BCL7B: variants seen among roughly 807,000 people sequenced by gnomAD.
The protein encoded by BCL7B is B-cell CLL/lymphoma 7 protein family member B.
A neutral mutation model predicts 26.5 loss-of-function variants in BCL7B; 11 were observed. The observed-to-expected ratio is 0.42, with a 90% CI of 0.26 to 0.69. The LOEUF (loss-of-function observed/expected upper bound fraction) is 0.69. Among genes scored for constraint, BCL7B ranks in the 30% least tolerant of loss-of-function variants. BCL7B has a pLI of 0.28. For synonymous variants in BCL7B, 111 were observed against 107.9 expected, an observed-to-expected ratio of 1.03 and a Z score of -0.18; for missense variants, 215 against 264.4, an observed-to-expected ratio of 0.81 and a Z score of 1.30.
At chr7:73,537,795 G>A (rs759518643) in intron 5 of BCL7B, 139 bp downstream of exon 5, 13 of 578,700 alleles carry the variant, frequency 2.2e-5, no homozygotes, top group Non-Finnish European at 3.6e-5. Context: ...GGCTGAAACA[G>A]GAGAATTGCT....
intron 2 of BCL7B, among the ~76,000 whole-genome samples, chr7:73,547,637 C>G (rs1247582317): frequency 6.6e-6 from 1 of 152,184 alleles, no homozygotes; most frequent in Admixed American, 6.5e-5. Flanking sequence ...GTAATAGCTT[C>G]AAAGTGCTGA....
At chr7:73,539,406 C>T (rs781915986) in intron 4 of BCL7B, among the ~76,000 whole-genome samples, 2 of 152,052 alleles carry the variant, frequency 1.3e-5, no homozygotes, top group African/African-American at 2.4e-5. Context: ...CACATGCCAC[C>T]ACGCCCAACT....
chr7:73,541,197 A>G (rs1340119512), intron 3 of BCL7B, among the ~76,000 whole-genome samples: 1 of 152,088 alleles, frequency 6.6e-6, no homozygotes, highest in East Asian at 1.9e-4. Flanking sequence ...AGAGTCACCA[A>G]TGCATTCCTC....
At chr7:73,539,169 A>C (rs782641087) in intron 4 of BCL7B, among the ~76,000 whole-genome samples, 1 of 152,080 alleles carries the variant, frequency 6.6e-6, no homozygotes, top group Non-Finnish European at 1.5e-5. Flanking sequence ...CATGTTGGTC[A>C]GGCTGGTCTC....
At chr7:73,553,696 G>C (rs1554584429) in intron 1 of BCL7B, 2 of 154,178 alleles carry the variant, frequency 1.3e-5, no homozygotes, top group Non-Finnish European at 2.9e-5. Context: ...AAGAAAACTA[G>C]TCTAAAGAAA....
intron 2 of BCL7B, among the ~76,000 whole-genome samples, chr7:73,548,178 C>T (rs1554583656): frequency 6.6e-6 from 1 of 151,986 alleles, no homozygotes; most frequent in Non-Finnish European, 1.5e-5. Flanking sequence ...GCCTGTAATC[C>T]CAGCACTTCG....
At position 73,539,906 on chromosome 7, in the gene BCL7B, T is replaced by C. The variant is rs369402294; in HGVS notation, c.412A>G (p.Thr138Ala). The change falls in exon 4 of 6, where the codon ACG becomes GCG. Residue 138 changes from threonine to alanine, a missense_variant. Transcript: ENST00000223368. ...CCCTCCAGGATCTCCTGGCCCAGCG[T>C]TGGGGGCTGGGAGTCATCCGTGCGG... ...DFRTDDSQPP[T>A]LGQEILEEPS... is the part of the protein sequence containing the mutation. 4.2e-5 allele frequency: 68 copies of C among 1,613,606 alleles called. No homozygotes were observed. The highest frequency in any genetic ancestry group is 5.0e-5 in the Non-Finnish European group (59 of 1,179,982).
chr7:73,557,454 C>G, intron 1 of BCL7B, 33 bp downstream of exon 1: 1 of 1,319,550 alleles, frequency 7.6e-7, no homozygotes, highest in South Asian at 2.0e-5. Context: ...GGATCCGCGA[C>G]CCCCGCCAGC....
intron 1 of BCL7B, among the ~76,000 whole-genome samples, chr7:73,552,776 CAAAAG>C (rs1432535328): frequency 3.3e-5 from 5 of 149,840 alleles, no homozygotes; most frequent in Admixed American, 1.3e-4. Context: ...GACCCTGTCT[CAAAAG>C]AAAGAAAGAA....
At chr7:73,554,295 C>T (rs1554584496) in intron 1 of BCL7B, among the ~76,000 whole-genome samples, 2 of 151,726 alleles carry the variant, frequency 1.3e-5, no homozygotes, top group Non-Finnish European at 2.9e-5. Context: ...ATTCCCTAAG[C>T]GTGCAGGCAG....
chr7:73,539,017 T>G (rs1304177088), intron 4 of BCL7B, among the ~76,000 whole-genome samples: 1 of 152,140 alleles, frequency 6.6e-6, no homozygotes, highest in East Asian at 1.9e-4. Context: ...TGGAGTGCCC[T>G]GGTGCGATCT....
In BCL7B at chr7:73,552,177, T is replaced by C; in HGVS notation, c.158A>G (p.Asp53Gly). 1 of 1,609,740 alleles carries C rather than the reference T, an allele frequency of 6.2e-7. No homozygotes were observed. Among genetic ancestry groups the C allele is most frequent in the Non-Finnish European group, 8.5e-7 (1 of 1,178,664 alleles). Residue 53 changes from aspartate (D) to glycine (G), a missense_variant, in exon 2 of 6, where the codon GAC becomes GGC. By Grantham distance (94) the Asp-to-Gly change is moderately conservative. Coordinates refer to ENST00000223368, the MANE Select transcript of BCL7B (RefSeq NM_001707.4). ...TTCTTCCACACTTACCTCCTTGCTG[T>C]CTGTCACAGGAACCCACTTAAATAT... The part of the protein sequence containing the change: ...LRIFKWVPVT[D>G]SKEKEKSKSN...
At chr7:73,548,314 A>G (rs6968532) in intron 2 of BCL7B, among the ~76,000 whole-genome samples, 1,891 of 152,074 alleles carry the variant, frequency 0.012, 39 homozygotes, top group African/African-American at 0.043. Context: ...TGTAATCCCA[A>G]CTACTCTGGA....
chr7:73,557,377 C>G (rs1211746567), intron 1 of BCL7B, 110 bp downstream of exon 1: 44 of 1,161,088 alleles, frequency 3.8e-5, no homozygotes, highest in Admixed American at 9.3e-5. Context: ...TTCTCCCGCA[C>G]CCCCCTCCCC....
intron 2 of BCL7B, among the ~76,000 whole-genome samples, chr7:73,546,647 G>A (rs1172335086): frequency 6.0e-5 from 9 of 150,458 alleles, no homozygotes; most frequent in Non-Finnish European, 1.2e-4. Context: ...CAGCCTGGGT[G>A]ACACAGCGAG....
chr7:73,540,829 CAAA>C (rs56111929), intron 3 of BCL7B, among the ~76,000 whole-genome samples: 2 of 50,942 alleles, frequency 3.9e-5, no homozygotes, highest in East Asian at 9.3e-4. Flanking sequence ...GACTCTGTCT[CAAA>C]AAAAAAAAAA....
At chr7:73,550,530 CGA>C (rs2115803832) in intron 2 of BCL7B, among the ~76,000 whole-genome samples, 1 of 151,286 alleles carries the variant, frequency 6.6e-6, no homozygotes, top group African/African-American at 2.4e-5. Context: ...GGCGACAGAG[CGA>C]GAGTCCGTCT....
At chr7:73,546,592 T>C (rs1229293978) in intron 2 of BCL7B, among the ~76,000 whole-genome samples, 4 of 151,112 alleles carry the variant, frequency 2.6e-5, no homozygotes, top group African/African-American at 9.7e-5. Flanking sequence ...CATTTGAACC[T>C]GCAAAGTGGA....
Position 73,557,623 on chromosome 7 carries a change from A to G in BCL7B, c.-45T>C. ...GGGGCCGGGGCACTGCTCCCAAGAC[A>G]CCGGGGATCGCGCGCCTCACGCGCC... On this transcript the variant is annotated 5_prime_UTR_variant, in exon 1 of 6. Coordinates refer to ENST00000223368, the MANE Select transcript of BCL7B (RefSeq NM_001707.4). 1 of 1,112,814 alleles carries G rather than the reference A, an allele frequency of 9.0e-7. No individual in the cohort carries two copies. Among genetic ancestry groups the G allele is most frequent in the Non-Finnish European group, 1.1e-6 (1 of 893,382 alleles). 68.9% of individuals were successfully genotyped at this position (1,112,814 alleles called of 1,614,324 possible).
Sources: gnomAD v4.1 joint callset for allele counts (sites outside exome capture counted in the v4.1 genomes callset) on GRCh38, gnomAD v4.1.1 for gene constraint, MANE v1.5 for transcripts, NCBI Gene and HGNC (gene_info 2026-07-23, HGNC 2026-07-21) for gene names.